The following MAPK6 variants were observed in gnomAD, a reference collection of about 807,000 sequenced individuals.
MAPK6 encodes the protein ERK-3.
In MAPK6, 19 loss-of-function variants were observed where a neutral mutation model predicts 59.3. The observed-to-expected ratio is 0.32, with a 90% CI of 0.22 to 0.47. The LOEUF (loss-of-function observed/expected upper bound fraction) is 0.47. MAPK6 is among the 20% of genes least tolerant of loss of function. The pLI, the probability that MAPK6 is intolerant of heterozygous loss-of-function variation, is 1.00. For synonymous variants in MAPK6, 316 were observed against 290.3 expected (o/e 1.09, Z -0.90); for missense variants, 724 against 847.9 (o/e 0.85, Z 1.81).
At chr15:51,997,949 CT>C (rs1411547231) in intron 2 of MAPK6, among the ~76,000 whole-genome samples, 1 of 147,874 alleles carries the variant, frequency 6.8e-6, no homozygotes, top group Admixed American at 6.7e-5. Flanking sequence ...TTCTTTCTTT[CT>C]TTTTTTCTTT....
intron 1 of MAPK6, among the ~76,000 whole-genome samples, chr15:52,035,022 C>T (rs1017645982): frequency 2.6e-5 from 4 of 152,162 alleles, no homozygotes; most frequent in Admixed American, 2.6e-4. Flanking sequence ...TTCATATGCT[C>T]CTGCTTTACT....
upstream of MAPK6, among the ~76,000 whole-genome samples, chr15:52,015,630 G>A (rs1360124450): frequency 2.7e-5 from 4 of 150,488 alleles, no homozygotes; most frequent in Non-Finnish European, 5.9e-5. Context: ...ACGCCACCAC[G>A]CCCGGCTAAT....
intron 1 of MAPK6, among the ~76,000 whole-genome samples, chr15:51,977,366 C>T (rs17649820): frequency 0.014 from 2,098 of 151,614 alleles, 86 homozygotes; most frequent in Admixed American, 0.07. Context: ...TAATGGTATC[C>T]GAAGGAAACT....
At chr15:52,056,022 GA>G (rs2031968521) in intron 3 of MAPK6, among the ~76,000 whole-genome samples, 1 of 152,126 alleles carries the variant, frequency 6.6e-6, no homozygotes, top group Non-Finnish European at 1.5e-5. Flanking sequence ...TTTTGTCAGT[GA>G]CCCATTCAAT....
chr15:52,008,172 C>T (rs2029955395), intron 3 of MAPK6, among the ~76,000 whole-genome samples: 1 of 152,086 alleles, frequency 6.6e-6, no homozygotes, highest in African/African-American at 2.4e-5. Context: ...GATGCACACA[C>T]ATTGTACTAA....
chr15:51,973,899 G>A (rs1263990843), intron 1 of MAPK6, among the ~76,000 whole-genome samples: 6 of 151,876 alleles, frequency 4.0e-5, no homozygotes, highest in South Asian at 4.2e-4. Flanking sequence ...TGATCCACCC[G>A]CCTTGGCCTC....
chr15:52,015,823 T>G (rs1428127429), upstream of MAPK6, among the ~76,000 whole-genome samples: 1 of 134,926 alleles, frequency 7.4e-6, no homozygotes, highest in Non-Finnish European at 1.6e-5. Context: ...TTTGGGAGGC[T>G]GAGGTGGGCA....
rs1169296559 is a variant in MAPK6, at chr15:52,066,719, TCAA to T, written c.*1724_*1726del. On this transcript the variant is annotated 3_prime_UTR_variant, in exon 6 of 6. Transcript: ENST00000261845. ...TATTAATATCTGCCCACCTACCTTC[TCAA>T]CAACTGACTTCATCTGGATTCACAA... is the stretch of plus-strand genomic sequence containing the variant. The T allele has an allele frequency of 6.6e-6, 1 of 152,210 alleles. No individual in the cohort carries two copies. Among genetic ancestry groups the T allele is most frequent in the East Asian group, 1.9e-4 (1 of 5,186 alleles). 9.4% of individuals were successfully genotyped at this position (152,210 alleles called of 1,614,324 possible).
chr15:52,025,219 C>T (rs2030721629), intron 1 of MAPK6, among the ~76,000 whole-genome samples: 1 of 151,990 alleles, frequency 6.6e-6, no homozygotes, highest in African/African-American at 2.4e-5. Context: ...CCAGCCTGGG[C>T]AACAGCAAGA....
Position 52,031,565 on chromosome 15 carries a change from T to TCA in MAPK6, c.-632+12193_-632+12194dup, listed in dbSNP as rs146902664. On this transcript the variant is annotated intron_variant, in intron 1 of 5. Transcript: ENST00000261845. Reference sequence around the variant, plus strand: ...TAAAATGTTGACCAGGCGTGGTGGCTCACACCTGTAATCCCAGCACTTTGG... The same window carrying TCA: ...TAAAATGTTGACCAGGCGTGGTGGCTCACACACCTGTAATCCCAGCACTTTGG... Among the ~76,000 whole-genome samples, 156 of 152,216 alleles carry TCA rather than the reference T, an allele frequency of 1.0e-3. 1 individual carries two copies. The East Asian group carries it at 0.022, about 21-fold the overall frequency.
intron 1 of MAPK6, chr15:52,033,745 C>T (rs1372033867): frequency 2.0e-5 from 3 of 152,074 alleles, no homozygotes; most frequent in African/African-American, 7.2e-5. Flanking sequence ...ATTTCTGTCC[C>T]TGTGGAGAAG....
chr15:52,032,220 C>G, intron 1 of MAPK6, among the ~76,000 whole-genome samples: 1 of 121,552 alleles, frequency 8.2e-6, no homozygotes, highest in South Asian at 2.7e-4. Context: ...GAGACAGAGT[C>G]TTGCTCTGTT....
chr15:51,972,594 C>T (rs2057137071), intron 1 of MAPK6, among the ~76,000 whole-genome samples: 1 of 147,288 alleles, frequency 6.8e-6, no homozygotes, highest in South Asian at 2.1e-4. Flanking sequence ...GAGGCCGAGG[C>T]GGGTGGATCA....
rs751681991 is a variant in MAPK6 at position 52,061,467 on chromosome 15, A to T, written c.1034A>T (p.Asp345Val). Residue 345 changes from aspartate (D) to valine (V), a missense_variant, in exon 5 of 6, where the codon GAT (aspartate) becomes GTT (valine). Asp to Val is a radical substitution (Grantham distance 152). Around this residue, in one of 4 missense-constraint regions of MAPK6, gnomAD observed 502 missense variants for 507.6 expected, o/e 0.99. Coordinates refer to ENST00000261845, the MANE Select transcript of MAPK6 (RefSeq NM_002748.4). ...EDEVDDILLMDETHSHIYNWE... is the reference protein window; with the variant it reads ...EDEVDDILLMVETHSHIYNWE... Reference sequence around the variant, plus strand: ...GAAGTTGATGATATTTTGCTTATGGATGAAACTCACAGTCACATTTATAAC... The same window carrying T: ...GAAGTTGATGATATTTTGCTTATGGTTGAAACTCACAGTCACATTTATAAC... 1 of 1,613,640 alleles carries T rather than the reference A, an allele frequency of 6.2e-7. No individual in the cohort carries two copies. Among genetic ancestry groups the T allele is most frequent in the Admixed American group, 1.7e-5 (1 of 60,014 alleles).
chr15:51,978,960 A>T (rs1383868830), intron 1 of MAPK6, among the ~76,000 whole-genome samples: 1 of 151,570 alleles, frequency 6.6e-6, no homozygotes, highest in African/African-American at 2.4e-5. Context: ...GTCACAAAAA[A>T]ATTAGCCAGG....
intron 1 of MAPK6, among the ~76,000 whole-genome samples, chr15:52,024,878 C>CT (rs35983896): frequency 0.64 from 53,427 of 84,092 alleles, 18,497 homozygotes; most frequent in East Asian, 0.76. Flanking sequence ...CATACACTGC[C>CT]TTTTTTTTTT....
At chr15:51,992,994 C>T (rs2057214488) in intron 2 of MAPK6, among the ~76,000 whole-genome samples, 1 of 152,130 alleles carries the variant, frequency 6.6e-6, no homozygotes, top group Non-Finnish European at 1.5e-5. Flanking sequence ...ATGAGATCAT[C>T]AGTCTTTGCT....
chr15:51,995,539 G>T (rs1262281216), intron 2 of MAPK6, among the ~76,000 whole-genome samples: 4 of 152,080 alleles, frequency 2.6e-5, no homozygotes, highest in African/African-American at 7.2e-5. Context: ...TTTATGATAG[G>T]CCTCTCTCCC....
At chr15:51,983,500 GACA>G (rs909669169) in intron 2 of MAPK6, among the ~76,000 whole-genome samples, 15 of 142,832 alleles carry the variant, frequency 1.1e-4, no homozygotes, top group African/African-American at 3.9e-4. Context: ...AACAAAAAAC[GACA>G]ACAACAAAAA....
Sources: allele counts gnomAD v4.1 joint callset (sites outside exome capture counted in the v4.1 genomes callset), GRCh38; gene constraint gnomAD v4.1.1; regional missense constraint gnomAD v4.1.1; transcripts MANE v1.5; gene names NCBI Gene and HGNC (gene_info 2026-07-23, HGNC 2026-07-21).